NCKAP5: variants seen among roughly 807,000 people sequenced by gnomAD.
NCKAP5 encodes nck-associated protein 5.
NCKAP5 carries 92 observed loss-of-function variants against 167.0 expected under a neutral mutation model. That is an observed-to-expected ratio of 0.55 (90% CI 0.47 to 0.66). The LOEUF (loss-of-function observed/expected upper bound fraction) is 0.66, where lower values mean the gene tolerates loss of function less well. NCKAP5 is among the 30% of genes least tolerant of loss of function. NCKAP5 has a pLI of 0.00. For missense variants in NCKAP5, 2,378 were observed against 2,315.0 expected, an observed-to-expected ratio of 1.03 and a Z score of -0.56; for synonymous variants, 891 against 877.4, an observed-to-expected ratio of 1.02 and a Z score of -0.27.
intron 8 of NCKAP5, among the ~76,000 whole-genome samples, chr2:132,924,052 C>G (rs2149019630): frequency 6.6e-6 from 1 of 152,266 alleles, no homozygotes; most frequent in Middle Eastern, 3.4e-3. Context: ...TGCTGTCCAG[C>G]AGGGTCTGCA....
At chr2:132,768,115 T>C (rs1681679924) in intron 16 of NCKAP5, among the ~76,000 whole-genome samples, 1 of 152,218 alleles carries the variant, frequency 6.6e-6, no homozygotes. Flanking sequence ...ACTGGGAAGA[T>C]CGTTGTTTTC....
At chr2:132,840,184 C>T (rs2105417718) in intron 11 of NCKAP5, among the ~76,000 whole-genome samples, 1 of 151,718 alleles carries the variant, frequency 6.6e-6, no homozygotes, top group Non-Finnish European at 1.5e-5. Flanking sequence ...ACATGAGAAC[C>T]AAGAGAGATC....
the NCKAP5 span, among the ~76,000 whole-genome samples, chr2:133,589,982 C>T: frequency 1.3e-5 from 2 of 150,402 alleles, no homozygotes; most frequent in Non-Finnish European, 2.9e-5. Context: ...ATCAATGGAG[C>T]TAAAACTGAA....
chr2:132,994,581 T>C (rs927683373), intron 6 of NCKAP5, among the ~76,000 whole-genome samples: 4 of 152,176 alleles, frequency 2.6e-5, no homozygotes, highest in Non-Finnish European at 4.4e-5. Context: ...ACCACTTTCA[T>C]TTTTAAACAC....
chr2:132,997,317 G>C (rs370569253), intron 6 of NCKAP5, among the ~76,000 whole-genome samples: 4 of 152,088 alleles, frequency 2.6e-5, no homozygotes, highest in African/African-American at 4.8e-5. Flanking sequence ...CGCTGGTTAC[G>C]AGTACTCTAA....
chr2:133,441,536 G>A (rs1163536459), intron 3 of NCKAP5, among the ~76,000 whole-genome samples: 6 of 152,162 alleles, frequency 3.9e-5, no homozygotes, highest in African/African-American at 1.2e-4. Context: ...GAAAGTCTAG[G>A]TACAAATTGC....
chr2:132,697,824 T>C (rs1687492990), intron 19 of NCKAP5, among the ~76,000 whole-genome samples: 1 of 152,156 alleles, frequency 6.6e-6, no homozygotes, highest in African/African-American at 2.4e-5. Context: ...GTCTTTTTGG[T>C]TTTCAAATTA....
intron 12 of NCKAP5, among the ~76,000 whole-genome samples, chr2:132,791,795 T>A (rs1408089036): frequency 6.6e-6 from 1 of 152,248 alleles, no homozygotes; most frequent in African/African-American, 2.4e-5. Context: ...CCTACAGTAC[T>A]TGTGGTAAAT....
intron 3 of NCKAP5, 25 bp downstream of exon 3, chr2:133,517,433 T>C (rs1005147827): frequency 1.3e-5 from 18 of 1,341,632 alleles, no homozygotes; most frequent in Admixed American, 2.9e-5. Context: ...ACATATAGAG[T>C]GGTAAATGAA....
intron 3 of NCKAP5, among the ~76,000 whole-genome samples, chr2:133,344,155 C>A (rs954371169): frequency 1.3e-5 from 2 of 152,044 alleles, no homozygotes; most frequent in African/African-American, 4.8e-5. Context: ...TGCCTGTAAT[C>A]CCAGCACTTT....
At chr2:133,218,710 C>T (rs1574414782) in intron 4 of NCKAP5, among the ~76,000 whole-genome samples, 1 of 152,068 alleles carries the variant, frequency 6.6e-6, no homozygotes, top group South Asian at 2.1e-4. Context: ...ATAAAAGAGA[C>T]ATTTCCAGGA....
chr2:132,776,565 G>A (rs996631991), intron 15 of NCKAP5, among the ~76,000 whole-genome samples: 3 of 152,160 alleles, frequency 2.0e-5, no homozygotes, highest in Non-Finnish European at 4.4e-5. Context: ...CTCACTGGGG[G>A]AAATTGTGAA....
chr2:133,357,300 C>CAG (rs974430885), intron 3 of NCKAP5, among the ~76,000 whole-genome samples: 2 of 150,746 alleles, frequency 1.3e-5, no homozygotes, highest in Non-Finnish European at 3.0e-5. Context: ...CACACACACA[C>CAG]ACACACACAC....
At chr2:133,344,029 G>C (rs114575033) in intron 3 of NCKAP5, among the ~76,000 whole-genome samples, 1 of 152,146 alleles carries the variant, frequency 6.6e-6, no homozygotes, top group East Asian at 1.9e-4. Context: ...CAGAGACTGC[G>C]GGGAATGGTG....
At chr2:133,218,258 C>T (rs1254737224) in intron 4 of NCKAP5, among the ~76,000 whole-genome samples, 3 of 152,058 alleles carry the variant, frequency 2.0e-5, no homozygotes, top group Non-Finnish European at 2.9e-5. Flanking sequence ...AACAAAAATA[C>T]ACTTTGCAAA....
chr2:133,663,398 G>T, the NCKAP5 span, among the ~76,000 whole-genome samples: 1 of 152,162 alleles, frequency 6.6e-6, no homozygotes, highest in Non-Finnish European at 1.5e-5. Context: ...CTGAAGGCTG[G>T]GACGGTGGTG....
At chr2:133,482,581 T>G (rs4954054) in intron 3 of NCKAP5, among the ~76,000 whole-genome samples, 150,431 of 152,292 alleles carry the variant, frequency 0.99, 74,302 homozygotes, top group East Asian at 1. Context: ...TTTTGCTATT[T>G]TGACTAATTC....
chr2:132,695,244 C>T (rs978488488), intron 19 of NCKAP5, among the ~76,000 whole-genome samples: 8 of 151,942 alleles, frequency 5.3e-5, no homozygotes, highest in South Asian at 2.1e-4. Flanking sequence ...TCTGTCAAAT[C>T]TATGCTTATT....
chr2:132,715,115 C>T (rs1172432685), intron 19 of NCKAP5, among the ~76,000 whole-genome samples: 1 of 152,174 alleles, frequency 6.6e-6, no homozygotes, highest in Admixed American at 6.5e-5. Flanking sequence ...TCTCTTGATC[C>T]TTAAAAGTCA....
Sources: gnomAD v4.1 joint callset for allele counts (sites outside exome capture counted in the v4.1 genomes callset) on GRCh38, gnomAD v4.1.1 for gene constraint, MANE v1.5 for transcripts, NCBI Gene and HGNC (gene_info 2026-07-23, HGNC 2026-07-21) for gene names.